SLC19A1: variants seen among roughly 807,000 people sequenced by gnomAD.
SLC19A1 encodes the protein solute carrier family 19 member 1.
Under a neutral mutation model 35.3 loss-of-function variants are expected in SLC19A1, and 37 were observed. The ratio of observed to expected loss-of-function variants is 1.05; its 90% CI spans 0.81 to 1.38. The LOEUF (loss-of-function observed/expected upper bound fraction) is 1.38, where lower values mean the gene tolerates loss of function less well. SLC19A1 is among the 40% of genes most tolerant of loss of function. The probability of loss-of-function intolerance (pLI) is 0.00; values close to 1 mark genes in which losing one functional copy is unlikely to be tolerated. For missense variants in SLC19A1, 831 were observed against 826.9 expected (o/e 1.00, Z -0.06); for synonymous variants, 460 against 398.5 (o/e 1.15, Z -1.84).
rs1275143444 is a variant in SLC19A1 at position 45,533,042 on chromosome 21, C to G, written c.190-894G>C. On this transcript the variant is annotated intron_variant, in intron 2 of 5. Transcript: ENST00000311124. This position sits in a 1 kb window ranked among gnomAD's most constrained non-coding sequence, Gnocchi z 4.5. ...TCCCATCTCACACTTGTCCCCAGAG[C>G]AAGGTCTTTAAGGCCAGACTCCAAC... 6.6e-6 allele frequency among the ~76,000 whole-genome samples: 1 copy of G among 152,212 alleles called. No homozygotes were observed. Among genetic ancestry groups the G allele is most frequent in the East Asian group, 1.9e-4 (1 of 5,180 alleles).
chr21:45,522,436 C>A (rs2077465107), intron 5 of SLC19A1, among the ~76,000 whole-genome samples: 1 of 152,202 alleles, frequency 6.6e-6, no homozygotes, highest in African/African-American at 2.4e-5. Flanking sequence ...TGCTTCCCTG[C>A]TTCTTTCCTG....
intron 1 of SLC19A1, among the ~76,000 whole-genome samples, chr21:45,539,335 T>C (rs2078232606): frequency 6.6e-6 from 1 of 152,230 alleles, no homozygotes; most frequent in African/African-American, 2.4e-5. Flanking sequence ...ATGCAGCGCA[T>C]GCAGAGGGCA....
In SLC19A1 at chr21:45,534,653, C is replaced by T; in HGVS notation, c.190-2505G>A. 2.0e-6 allele frequency: 3 copies of T among 1,508,356 alleles called. No individual in the cohort carries two copies. The highest frequency in any genetic ancestry group is 2.7e-6 in the Non-Finnish European group (3 of 1,122,508). The allele number at this position is 1,508,356 out of a possible 1,614,324, so 93.4% of individuals were successfully genotyped here. A position where few individuals can be genotyped will look rare whatever the true frequency, so the allele number is the denominator to read the frequency against. ...TGAGGGTCTGAGCGCAGAGCTCCCC[C>T]TTGGCAGCCACCCAGAGCCCTCCCG... On this transcript the variant is annotated intron_variant, in intron 2 of 5. Transcript: ENST00000311124. The surrounding 1 kb of genome is among the most constrained non-coding windows in gnomAD (Gnocchi z 4.2).
Position 45,551,584 on chromosome 21 carries a change from ATGT to A in SLC19A1, c.-50+11155_-50+11157del, listed in dbSNP as rs561157593. 1.9e-4 allele frequency among the ~76,000 whole-genome samples: 29 copies of A among 152,218 alleles called. No individual in the cohort carries two copies. The South Asian group carries it at 5.8e-3, about 31-fold the overall frequency. ...TGATTCAAACGTTTCCAGTAGGCAG[ATGT>A]TGTTGTTTGTTGGTTTAATATGTCG... On this transcript the variant is annotated intron_variant, in intron 1 of 5. Coordinates refer to the SLC19A1 transcript ENST00000650808.
At chr21:45,512,411 T>A (rs747722915), downstream of SLC19A1, 14 of 1,611,028 alleles carry the variant, frequency 8.7e-6, no homozygotes, top group Non-Finnish European at 1.2e-5. Flanking sequence ...ACCGCCTGGA[T>A]GCGGATGGCC....
At chr21:45,520,924 A>G (rs9976313) in intron 5 of SLC19A1, among the ~76,000 whole-genome samples, 72,676 of 151,704 alleles carry the variant, frequency 0.48, 18,185 homozygotes, top group African/African-American at 0.63. Context: ...GGAGGCTGAG[A>G]CAGGAGAATT....
chr21:45,554,929 C>A (rs949598079), intron 1 of SLC19A1, among the ~76,000 whole-genome samples: 1 of 151,716 alleles, frequency 6.6e-6, no homozygotes, highest in African/African-American at 2.4e-5. Context: ...CAGAAGCAGC[C>A]CCTTTGACGA....
Position 45,505,793 on chromosome 21 carries a change from C to T in SLC19A1, c.498-7181G>A, listed in dbSNP as rs780025189. 56 of 1,428,016 alleles carry T rather than the reference C, an allele frequency of 3.9e-5. No homozygotes were observed. The Middle Eastern group carries it at 9.6e-4, about 25-fold the overall frequency. The allele number at this position is 1,428,016 out of a possible 1,614,324, so 88.5% of individuals were successfully genotyped here. ...ATTCCTTCCTTCCGCCCCTGCCCCCCGCCCTCCCCGCCAAGCCCCACACCT... is the reference window on the plus strand; with the variant it reads ...ATTCCTTCCTTCCGCCCCTGCCCCCTGCCCTCCCCGCCAAGCCCCACACCT... On this transcript the variant is annotated intron_variant, in intron 3 of 4. Coordinates refer to the SLC19A1 transcript ENST00000417954.
At chr21:45,503,869 A>C in intron 3 of SLC19A1, 1 of 719,396 alleles carries the variant, frequency 1.4e-6, no homozygotes, top group Non-Finnish European at 2.5e-6. Context: ...GTTAACTAGG[A>C]AGAACCTAAT....
rs2077942911 is a variant in SLC19A1, at chr21:45,532,044, C to CA, written c.293dup (p.Gln99AlafsTer295). 6.2e-7 allele frequency: 1 copy of CA among 1,612,168 alleles called. No homozygotes were observed. Among genetic ancestry groups the CA allele is most frequent in the South Asian group, 1.1e-5 (1 of 91,084 alleles). The stretch of plus-strand genomic sequence containing the variant: ...ACACCGACACGAAGCTGAGCCCCTG[C>CA]AGCAGCAGCACCGGCGTGTAGCGCA... On this transcript the variant is annotated frameshift_variant, in exon 3 of 6. Coordinates refer to ENST00000311124, the MANE Select transcript of SLC19A1 (RefSeq NM_194255.4). LOFTEE classifies it high-confidence loss of function.
chr21:45,547,946 C>A (rs1243066399), upstream of SLC19A1, among the ~76,000 whole-genome samples: 4 of 152,230 alleles, frequency 2.6e-5, no homozygotes, highest in Non-Finnish European at 5.9e-5. Context: ...TGCAATCCAA[C>A]AGAGATCTCA....
In SLC19A1 at chr21:45,528,257, C is replaced by T. The variant is rs181052351; in HGVS notation, c.1152-2299G>A. 2.5e-3 allele frequency among the ~76,000 whole-genome samples: 376 copies of T among 151,928 alleles called. 1 individual carries two copies. The highest frequency in any genetic ancestry group is 3.4e-3 in the Middle Eastern group (1 of 294). ...TGGGCAGGGCAGAGCCCAGGCCAGC[C>T]CCCAGGGTGCTTCCAAGGACACTCA... On this transcript the variant is annotated intron_variant, in intron 4 of 5. Transcript: ENST00000311124.
downstream of SLC19A1, chr21:45,509,724 C>T (rs937921192): frequency 3.4e-5 from 25 of 727,146 alleles, no homozygotes; most frequent in South Asian, 7.4e-5. Flanking sequence ...GGGGGTCTGG[C>T]GGCTCAGGGC....
chr21:45,534,457 A>C lies in SLC19A1; in HGVS notation c.190-2309T>G. ...GCCCACAGCCCAGAGTCAAAATGGT[A>C]GACAGCCAGCAGAGAGGCTCTCCCC... On this transcript the variant is annotated intron_variant, in intron 2 of 5. Coordinates refer to ENST00000311124, the MANE Select transcript of SLC19A1 (RefSeq NM_194255.4). The surrounding 1 kb of genome is among the most constrained non-coding windows in gnomAD (Gnocchi z 4.2). 8.9e-7 allele frequency: 1 copy of C among 1,126,990 alleles called. No individual in the cohort carries two copies. The highest frequency in any genetic ancestry group is 1.3e-6 in the Non-Finnish European group (1 of 780,864). 69.8% of individuals were successfully genotyped at this position (1,126,990 alleles called of 1,614,324 possible). A position where few individuals can be genotyped will look rare whatever the true frequency, so the allele number is the denominator to read the frequency against.
chr21:45,508,112 CGGGTG>C (rs2037336003), downstream of SLC19A1, among the ~76,000 whole-genome samples: 1 of 100,264 alleles, frequency 1.0e-5, no homozygotes, highest in African/African-American at 3.9e-5. Context: ...GGTGGTCAGG[CGGGTG>C]AGTGGACGGG....
Position 45,504,456 on chromosome 21 carries a change from A to G in SLC19A1, c.498-5844T>C, listed in dbSNP as rs967347156. 2 of 1,611,262 alleles carry G rather than the reference A, an allele frequency of 1.2e-6. No individual in the cohort carries two copies. Among genetic ancestry groups the G allele is most frequent in the African/African-American group, 1.3e-5 (1 of 74,978 alleles). ...CGAGGTGATGCAGGACAGAAAGGCGAAAGGGGGGAGCCCGGGGGCGGCGGT... is the reference window on the plus strand; with the variant it reads ...CGAGGTGATGCAGGACAGAAAGGCGGAAGGGGGGAGCCCGGGGGCGGCGGT... On this transcript the variant is annotated intron_variant, in intron 3 of 4. Coordinates refer to the SLC19A1 transcript ENST00000417954.
chr21:45,505,311 G>T lies in SLC19A1; in HGVS notation c.498-6699C>A, dbSNP rs1052361813. 3.1e-6 allele frequency: 5 copies of T among 1,602,130 alleles called. No homozygotes were observed. The East Asian group carries it at 6.7e-5, about 21-fold the overall frequency. ...AGTGGGGAGTGGGCCCCGGGCAGAG[G>T]CCGCCTCGTGTGGCTTCGTGTTCCC... is the stretch of plus-strand genomic sequence containing the variant. On this transcript the variant is annotated intron_variant, in intron 3 of 4. Transcript: ENST00000417954.
downstream of SLC19A1, chr21:45,512,159 T>G (rs2037649562): frequency 3.1e-6 from 5 of 1,597,798 alleles, no homozygotes; most frequent in Non-Finnish European, 3.4e-6. Flanking sequence ...CAGGTCTGGG[T>G]TTGACTGACG....
intron 1 of SLC19A1, among the ~76,000 whole-genome samples, chr21:45,541,156 C>T (rs1458961810): frequency 6.6e-6 from 1 of 152,232 alleles, no homozygotes; most frequent in Non-Finnish European, 1.5e-5. Context: ...CACTCTTTCT[C>T]ATCTGTGTCC....
Sources: gnomAD v4.1 joint callset for allele counts (sites outside exome capture counted in the v4.1 genomes callset) on GRCh38, gnomAD v4.1.1 for gene constraint, Gnocchi (gnomAD v3.1) non-coding constraint, MANE v1.5 for transcripts, NCBI Gene and HGNC (gene_info 2026-07-23, HGNC 2026-07-21) for gene names.